The following TAF1 variants were observed in gnomAD, a reference collection of about 807,000 sequenced individuals.
TAF1 encodes the protein transcription initiation factor TFIID subunit 1.
A neutral mutation model predicts 138.5 loss-of-function variants in TAF1; 2 were observed. The ratio of observed to expected loss-of-function variants is 0.01; its 90% CI spans 0.01 to 0.05. TAF1 has a LOEUF of 0.05. Among genes scored for constraint, TAF1 ranks in the 10% least tolerant of loss-of-function variants. The pLI, the probability that TAF1 is intolerant of heterozygous loss-of-function variation, is 1.00. For missense variants in TAF1, 709 were observed against 1,478.0 expected (o/e 0.48, Z 8.53); for synonymous variants, 437 against 503.2 (o/e 0.87, Z 1.76).
intron 32 of TAF1, among the ~76,000 whole-genome samples, chrX:71,450,179 C>T (rs1308222375): frequency 9.1e-6 from 1 of 109,856 alleles, no homozygotes; most frequent in African/African-American, 3.3e-5. Flanking sequence ...ATGACCTATA[C>T]TTGTAAGACG....
intron 13 of TAF1, among the ~76,000 whole-genome samples, chrX:71,497,304 G>A (rs142425346): frequency 0.019 from 2,152 of 111,623 alleles, 19 homozygotes; most frequent in African/African-American, 0.033. Flanking sequence ...CCATCCTCTG[G>A]GAGAAAAGTG....
chrX:71,477,916 C>T (rs1035294331), intron 13 of TAF1, among the ~76,000 whole-genome samples: 43 of 110,229 alleles, frequency 3.9e-4, no homozygotes, highest in Admixed American at 3.0e-3. Context: ...CTCACTTGAG[C>T]GCAGGAGGCA....
chrX:71,403,900 GTTT>G (rs1170586346), intron 25 of TAF1, among the ~76,000 whole-genome samples: 2 of 70,883 alleles, frequency 2.8e-5, no homozygotes, highest in Non-Finnish European at 5.7e-5. Flanking sequence ...CAGATCCTGT[GTTT>G]TTTTTTTCTT....
chrX:71,459,932 A>G (rs914724449), intron 36 of TAF1, among the ~76,000 whole-genome samples: 3 of 112,042 alleles, frequency 2.7e-5, no homozygotes, highest in Non-Finnish European at 5.6e-5. Context: ...CCTAAGTAAC[A>G]GCTTTGATCT....
intron 34 of TAF1, among the ~76,000 whole-genome samples, chrX:71,457,717 C>G (rs924301397): frequency 8.9e-6 from 1 of 112,113 alleles, no homozygotes; most frequent in Non-Finnish European, 1.9e-5. Flanking sequence ...TACTCACTAG[C>G]AAGTGTTGGG....
intron 32 of TAF1, among the ~76,000 whole-genome samples, chrX:71,443,854 G>C (rs759734076): frequency 9.0e-6 from 1 of 111,381 alleles, no homozygotes; most frequent in Non-Finnish European, 1.9e-5. Context: ...GATTATAGGC[G>C]TCCGCCCCAA....
At position 71,434,396 on chromosome X, in the gene TAF1, C is replaced by T. The variant is rs182548896; in HGVS notation, c.4753+10158C>T. On this transcript the variant is annotated intron_variant, in intron 32 of 37. Coordinates refer to ENST00000423759, the MANE Select transcript of TAF1 (RefSeq NM_004606.5). The stretch of plus-strand genomic sequence containing the variant: ...ATATCTCTAGTTAACATTATTTTGA[C>T]TCTGCATATTCAGATCCTTCACACA... Among the ~76,000 whole-genome samples, 239 of 112,299 alleles carry T rather than the reference C, an allele frequency of 2.1e-3. 1 individual carries two copies. Among genetic ancestry groups the T allele is most frequent in the Middle Eastern group, 4.6e-3 (1 of 218 alleles).
intron 13 of TAF1, among the ~76,000 whole-genome samples, chrX:71,502,969 AAAAC>A (rs778221848): frequency 2.7e-4 from 29 of 109,131 alleles, no homozygotes; most frequent in South Asian, 3.9e-4. Flanking sequence ...ACAAAAACAA[AAAAC>A]AAACAAACAA....
chrX:71,499,207 C>T (rs1261082114), intron 13 of TAF1, among the ~76,000 whole-genome samples: 7 of 111,403 alleles, frequency 6.3e-5, no homozygotes, highest in East Asian at 2.8e-4. Flanking sequence ...CAAGCCCTAC[C>T]GGGTGATTGG....
intron 32 of TAF1, among the ~76,000 whole-genome samples, chrX:71,452,441 G>C (rs2038047764): frequency 9.1e-6 from 1 of 110,081 alleles, no homozygotes; most frequent in East Asian, 2.9e-4. Context: ...GGGCAGAGGC[G>C]CTCTCCACAT....
At chrX:71,498,805 A>G (rs2147563618) in intron 13 of TAF1, among the ~76,000 whole-genome samples, 1 of 111,783 alleles carries the variant, frequency 8.9e-6, no homozygotes, top group East Asian at 2.8e-4. Flanking sequence ...GAGTGTGAAA[A>G]GAGCAAAGTC....
chrX:71,484,895 C>T (rs1442560030), intron 13 of TAF1: 1 of 112,063 alleles, frequency 8.9e-6, no homozygotes, highest in Non-Finnish European at 1.9e-5. Context: ...TGATGAACTT[C>T]AATACCCTGA....
chrX:71,378,166 ACT>A (rs1355521469), intron 6 of TAF1, 67 bp from the exon 7 acceptor site: 3 of 1,077,166 alleles, frequency 2.8e-6, no homozygotes, highest in Non-Finnish European at 3.8e-6. Context: ...CTGACTGTTA[ACT>A]CTCTATAGCC....
downstream of TAF1, among the ~76,000 whole-genome samples, chrX:71,467,759 A>T (rs754131281): frequency 8.9e-6 from 1 of 112,058 alleles, no homozygotes; most frequent in African/African-American, 3.2e-5. Flanking sequence ...TAGAAGGATT[A>T]AGTGACATTC....
intron 32 of TAF1, among the ~76,000 whole-genome samples, chrX:71,452,934 GCCTGCAATCGCAGGCA>G (rs2038093402): frequency 8.9e-6 from 1 of 112,141 alleles, no homozygotes. Context: ...GGTGGCGCGC[GCCTGCAATCGCAGGCA>G]CTCGGCAGGC....
chrX:71,427,742 C>A (rs1365238830), intron 32 of TAF1, among the ~76,000 whole-genome samples: 1 of 110,253 alleles, frequency 9.1e-6, no homozygotes, highest in Admixed American at 9.7e-5. Context: ...AGTTTGAGAT[C>A]AGCCTGGCCA....
In TAF1 at chrX:71,366,512, G is replaced by GCC; in HGVS notation, c.120+18_120+19insCC. ...TGGATGATGTGAGGGGGTGGGCGTGGGGGTAGGGCTCGGGGGGTGGGGCTA... is the reference window on the plus strand; with the variant it reads ...TGGATGATGTGAGGGGGTGGGCGTGGCCGGGTAGGGCTCGGGGGGTGGGGCTA... On this transcript the variant is annotated intron_variant, in intron 1 of 37. Coordinates refer to ENST00000423759, the MANE Select transcript of TAF1 (RefSeq NM_004606.5). The GCC allele has an allele frequency of 2.9e-6, 3 of 1,019,297 alleles. No individual in the cohort carries two copies. Among genetic ancestry groups the GCC allele is most frequent in the Middle Eastern group, 3.8e-4 (1 of 2,664 alleles). The allele number at this position is 1,019,297 out of a possible 1,213,427, so 84.0% of individuals were successfully genotyped here. A position where few individuals can be genotyped will look rare whatever the true frequency, so the allele number is the denominator to read the frequency against.
intron 3 of TAF1, among the ~76,000 whole-genome samples, chrX:71,370,642 G>A (rs940704367): frequency 3.6e-5 from 4 of 111,449 alleles, no homozygotes; most frequent in South Asian, 3.7e-4. Context: ...GAGCCACCCC[G>A]CCTGGCCTGC....
chrX:71,424,778 C>T (rs1280675281), intron 32 of TAF1, among the ~76,000 whole-genome samples: 2 of 111,380 alleles, frequency 1.8e-5, no homozygotes, highest in Non-Finnish European at 3.8e-5. Flanking sequence ...GTGCCTGCCA[C>T]CATGCCCAGC....
Sources: gnomAD v4.1 joint callset for allele counts (sites outside exome capture counted in the v4.1 genomes callset) on GRCh38, gnomAD v4.1.1 for gene constraint, MANE v1.5 for transcripts, NCBI Gene and HGNC (gene_info 2026-07-23, HGNC 2026-07-21) for gene names.